The following KCTD16 variants were observed in gnomAD, a reference collection of about 807,000 sequenced individuals.
KCTD16 encodes BTB/POZ domain-containing protein KCTD16.
A neutral mutation model predicts 33.2 loss-of-function variants in KCTD16; 13 were observed. That is an observed-to-expected ratio of 0.39 (90% CI 0.25 to 0.62). The LOEUF is 0.62. KCTD16 is among the 20% of genes least tolerant of loss of function. The probability of loss-of-function intolerance (pLI) is 0.50; values close to 1 mark genes in which losing one functional copy is unlikely to be tolerated. For synonymous variants in KCTD16, 197 were observed against 195.3 expected, an observed-to-expected ratio of 1.01 and a Z score of -0.07; for missense variants, 441 against 525.1, an observed-to-expected ratio of 0.84 and a Z score of 1.57.
chr5:144,417,451 A>AT (rs1175546028), intron 3 of KCTD16, among the ~76,000 whole-genome samples: 2 of 152,030 alleles, frequency 1.3e-5, no homozygotes, highest in Non-Finnish European at 2.9e-5. Flanking sequence ...TTCTTTGCTC[A>AT]TTTTTAAACT....
chr5:144,197,533 AATAT>A (rs551573976), intron 2 of KCTD16, among the ~76,000 whole-genome samples: 1 of 152,104 alleles, frequency 6.6e-6, no homozygotes, highest in African/African-American at 2.4e-5. Flanking sequence ...CCCTTTGACA[AATAT>A]ATATAGAGTG....
intron 3 of KCTD16, among the ~76,000 whole-genome samples, chr5:144,296,108 T>C (rs1398606945): frequency 6.6e-6 from 1 of 152,204 alleles, no homozygotes; most frequent in Non-Finnish European, 1.5e-5. Flanking sequence ...TTTCTGCTAT[T>C]GCATGCAAAG....
intron 2 of KCTD16, among the ~76,000 whole-genome samples, chr5:144,185,303 T>C (rs1466887479): frequency 6.6e-6 from 1 of 152,180 alleles, no homozygotes; most frequent in Non-Finnish European, 1.5e-5. Context: ...ACCTCTTCTG[T>C]ATAAGTTTGT....
intron 3 of KCTD16, among the ~76,000 whole-genome samples, chr5:144,464,514 G>A (rs1052503813): frequency 1.3e-5 from 2 of 152,210 alleles, no homozygotes; most frequent in African/African-American, 4.8e-5. Context: ...CTACAGTGCA[G>A]AGGATGGCCC....
intron 3 of KCTD16, among the ~76,000 whole-genome samples, chr5:144,405,105 A>G (rs1454259888): frequency 6.6e-6 from 1 of 152,236 alleles, no homozygotes; most frequent in Non-Finnish European, 1.5e-5. Context: ...ACTGAACTTA[A>G]GTAATTTGCC....
Position 144,206,453 on chromosome 5 carries a change from T to C in KCTD16, c.-262T>C, listed in dbSNP as rs998624502. On this transcript the variant is annotated 5_prime_UTR_variant, in exon 3 of 4. An upstream open reading frame in the 5' UTR loses its in-frame stop. Transcript: ENST00000512467. ...TGTGAGCTTGATGGAAGATTGGATA[T>C]AGACGAGTTGATTATATTTTATGAA... 22 of 397,480 alleles carry C rather than the reference T, an allele frequency of 5.5e-5. No homozygotes were observed. The highest frequency in any genetic ancestry group is 9.0e-5 in the Non-Finnish European group (20 of 223,406). 24.6% of individuals were successfully genotyped at this position (397,480 alleles called of 1,614,324 possible).
intron 3 of KCTD16, among the ~76,000 whole-genome samples, chr5:144,230,652 G>T (rs1754075095): frequency 6.6e-6 from 1 of 151,948 alleles, no homozygotes; most frequent in Non-Finnish European, 1.5e-5. Context: ...TAAATCTATG[G>T]TTTGCCTTAT....
intron 3 of KCTD16, among the ~76,000 whole-genome samples, chr5:144,393,544 G>T (rs924329734): frequency 1.3e-5 from 2 of 152,056 alleles, no homozygotes; most frequent in African/African-American, 4.8e-5. Context: ...TGGTAATACA[G>T]TGTGTATATA....
chr5:144,210,217 A>G (rs1026339405), intron 3 of KCTD16, among the ~76,000 whole-genome samples: 3 of 152,102 alleles, frequency 2.0e-5, no homozygotes, highest in African/African-American at 4.8e-5. Context: ...CCTAGAGTTG[A>G]TGGTCAATAT....
intron 3 of KCTD16, among the ~76,000 whole-genome samples, chr5:144,405,124 C>G (rs1425606626): frequency 6.6e-6 from 1 of 152,206 alleles, no homozygotes; most frequent in Non-Finnish European, 1.5e-5. Flanking sequence ...CCCAGGATCA[C>G]AGCTATGAAA....
chr5:144,439,817 G>GT (rs913717001), intron 3 of KCTD16, among the ~76,000 whole-genome samples: 1 of 151,732 alleles, frequency 6.6e-6, no homozygotes, highest in African/African-American at 2.4e-5. Context: ...TGCTGTTTTT[G>GT]TTTTTTTCCT....
chr5:144,170,897 G>GTT lies in KCTD16; in HGVS notation c.-605_-604insTT, dbSNP rs1381608192. 6,616 of 152,372 alleles carry GTT rather than the reference G, an allele frequency of 0.043. 413 individuals are homozygous for GTT. Among genetic ancestry groups the GTT allele is most frequent in the African/African-American group, 0.14 (5,627 of 41,552 alleles). 9.4% of individuals were successfully genotyped at this position (152,372 alleles called of 1,614,324 possible). A position where few individuals can be genotyped will look rare whatever the true frequency, so the allele number is the denominator to read the frequency against. Reference sequence around the variant, plus strand: ...CAGACCTAGGTGATGGAGGAAGACTGGGAGGCGCTAAAATGAGACAGACGG... The same window carrying GTT: ...CAGACCTAGGTGATGGAGGAAGACTGTTGGAGGCGCTAAAATGAGACAGACGG... On this transcript the variant is annotated 5_prime_UTR_variant, in exon 1 of 4. The change creates a premature stop within an existing upstream ORF in the 5' untranslated region. Coordinates refer to ENST00000512467, the MANE Select transcript of KCTD16 (RefSeq NM_020768.4).
chr5:144,437,305 G>A (rs1023711204), intron 3 of KCTD16, among the ~76,000 whole-genome samples: 1 of 152,142 alleles, frequency 6.6e-6, no homozygotes, highest in African/African-American at 2.4e-5. Context: ...GTCCCATTGG[G>A]CCTCTACAAT....
intron 3 of KCTD16, among the ~76,000 whole-genome samples, chr5:144,464,759 C>CTCTTCT (rs371918283): frequency 1.4e-5 from 2 of 146,936 alleles, no homozygotes; most frequent in Non-Finnish European, 3.0e-5. Flanking sequence ...CTTCCTCTTC[C>CTCTTCT]TCTTCTTCTT....
At position 144,474,422 on chromosome 5, in the gene KCTD16, T is replaced by C. The variant is rs1754550502; in HGVS notation, c.*308T>C. On this transcript the variant is annotated 3_prime_UTR_variant, in exon 4 of 4. Transcript: ENST00000512467. The stretch of plus-strand genomic sequence containing the variant: ...CTACGTAAAAGTAGCTGAGAGGCCT[T>C]GGGAGTCATTTATCCCAAACTGGGT... 4.3e-6 allele frequency: 1 copy of C among 233,560 alleles called. No individual in the cohort carries two copies. Among genetic ancestry groups the C allele is most frequent in the Admixed American group, 5.2e-5 (1 of 19,224 alleles). The allele number at this position is 233,560 out of a possible 1,614,324, so 14.5% of individuals were successfully genotyped here.
rs368710657 is a variant in KCTD16 at position 144,267,395 on chromosome 5, CTG to C, written c.832+59850_832+59851del. ...AAAATGGAAGGCACATAGGGAAAGA[CTG>C]GGGCATGGGAAGCACTTTAAAATGC... On this transcript the variant is annotated intron_variant, in intron 3 of 3. Transcript: ENST00000512467. 4.3e-3 allele frequency among the ~76,000 whole-genome samples: 657 copies of C among 152,256 alleles called. 8 individuals are homozygous for C. The highest frequency in any genetic ancestry group is 0.014 in the African/African-American group (602 of 41,534).
At chr5:144,404,877 G>A (rs1232567477) in intron 3 of KCTD16, among the ~76,000 whole-genome samples, 1 of 152,172 alleles carries the variant, frequency 6.6e-6, no homozygotes, top group East Asian at 1.9e-4. Flanking sequence ...TTTAGCAGGT[G>A]CAGAGCTGGC....
chr5:144,218,137 A>T (rs1301641793), intron 3 of KCTD16, among the ~76,000 whole-genome samples: 4 of 152,224 alleles, frequency 2.6e-5, no homozygotes, highest in African/African-American at 9.6e-5. Context: ...ACGATTGCAC[A>T]AACCTCCAGT....
intron 3 of KCTD16, among the ~76,000 whole-genome samples, chr5:144,459,379 T>C (rs1056827605): frequency 6.6e-6 from 1 of 151,902 alleles, no homozygotes; most frequent in Non-Finnish European, 1.5e-5. Flanking sequence ...TTTAATGGAG[T>C]CTTGCTTTGT....
Sources: allele counts gnomAD v4.1 joint callset (sites outside exome capture counted in the v4.1 genomes callset), GRCh38; gene constraint gnomAD v4.1.1; transcripts MANE v1.5; gene names NCBI Gene and HGNC (gene_info 2026-07-23, HGNC 2026-07-21).